The following ARAP2 variants were observed in gnomAD, a reference collection of about 807,000 sequenced individuals.
The protein encoded by ARAP2 is arf-GAP with Rho-GAP domain, ANK repeat and PH domain-containing protein 2.
A neutral mutation model predicts 194.5 loss-of-function variants in ARAP2; 148 were observed. The observed-to-expected ratio is 0.76, with a 90% confidence interval of 0.67 to 0.87. The LOEUF (loss-of-function observed/expected upper bound fraction) is 0.87. ARAP2 is among the 40% of genes least tolerant of loss of function. ARAP2 has a pLI of 0.00. For missense variants in ARAP2, 2,128 were observed against 1,989.7 expected (o/e 1.07, Z -1.32); for synonymous variants, 695 against 683.5 (o/e 1.02, Z -0.26).
At chr4:36,077,724 A>C (rs1043409294) in intron 31 of ARAP2, among the ~76,000 whole-genome samples, 16 of 152,150 alleles carry the variant, frequency 1.1e-4, no homozygotes, top group Admixed American at 3.9e-4. Flanking sequence ...ATTTTTTTCA[A>C]TTAAAATTAG....
intron 19 of ARAP2, among the ~76,000 whole-genome samples, chr4:36,137,175 A>G (rs1727050938): frequency 6.6e-6 from 1 of 151,874 alleles, no homozygotes; most frequent in African/African-American, 2.4e-5. Flanking sequence ...CTCTTTCATA[A>G]GTACATGATT....
At chr4:36,152,042 G>A in intron 15 of ARAP2, among the ~76,000 whole-genome samples, 1 of 152,020 alleles carries the variant, frequency 6.6e-6, no homozygotes, top group African/African-American at 2.4e-5. Context: ...GTGGGTGTGG[G>A]GGTGACATGA....
intron 3 of ARAP2, among the ~76,000 whole-genome samples, chr4:36,051,814 T>C (rs1380963111): frequency 1.3e-5 from 2 of 152,224 alleles, no homozygotes; most frequent in Non-Finnish European, 1.5e-5. Flanking sequence ...CTATTAACTC[T>C]TCCACATTGT....
rs528789950 is a variant in ARAP2 at position 36,112,190 on chromosome 4, G to A, written c.4156+1980C>T. Among the ~76,000 whole-genome samples, 5 of 152,002 alleles carry A rather than the reference G, an allele frequency of 3.3e-5. No homozygotes were observed. In the South Asian group the frequency reaches 1.0e-3, roughly 31 times the overall value. On this transcript the variant is annotated intron_variant, in intron 26 of 32. Coordinates refer to ENST00000303965, the MANE Select transcript of ARAP2 (RefSeq NM_015230.4). ...CTTCAGTTGAAAAGGCTTTTGTGGAGTTTGATCCACATCAACTGCACTATG... is the reference window on the plus strand; with the variant it reads ...CTTCAGTTGAAAAGGCTTTTGTGGAATTTGATCCACATCAACTGCACTATG...
At chr4:36,238,539 C>T (rs1752868147) in intron 1 of ARAP2, among the ~76,000 whole-genome samples, 1 of 152,166 alleles carries the variant, frequency 6.6e-6, no homozygotes, top group Non-Finnish European at 1.5e-5. Flanking sequence ...GTCTCCCTCT[C>T]CTTTGTCTAG....
intron 28 of ARAP2, among the ~76,000 whole-genome samples, chr4:36,090,068 G>A (rs1470206091): frequency 6.6e-6 from 1 of 151,886 alleles, no homozygotes; most frequent in South Asian, 2.1e-4. Context: ...GAAACAATAA[G>A]GGGGATATTA....
intron 26 of ARAP2, among the ~76,000 whole-genome samples, chr4:36,110,538 G>T (rs1359318394): frequency 6.6e-6 from 1 of 151,870 alleles, no homozygotes; most frequent in Non-Finnish European, 1.5e-5. Context: ...ATTGGCAGAG[G>T]ATGGGTTCGG....
At chr4:36,126,919 C>A (rs1378774661) in intron 21 of ARAP2, among the ~76,000 whole-genome samples, 2 of 152,056 alleles carry the variant, frequency 1.3e-5, no homozygotes, top group African/African-American at 4.8e-5. Context: ...CTCACTGAAG[C>A]TTGGAATTCC....
Position 36,160,497 on chromosome 4 carries a change from T to G in ARAP2, c.2404A>C (p.Thr802Pro). The G allele has an allele frequency of 1.3e-6, 2 of 1,569,140 alleles. No homozygotes were observed. The highest frequency in any genetic ancestry group is 1.7e-6 in the Non-Finnish European group (2 of 1,163,460). Residue 802 changes from threonine to proline, a missense_variant, in exon 13 of 33, where the codon ACT (threonine) becomes CCT (proline). By Grantham distance (38) the Thr-to-Pro change is conservative. Coordinates refer to ENST00000303965, the MANE Select transcript of ARAP2 (RefSeq NM_015230.4). The part of the protein sequence containing the change: ...QKYKEGKFRK[T>P]LLASLTKEEL... ...TCTTTGGTGAGAGATGCCAAAAGAG[T>G]TTTTCTGAATTTTCCTTCTTTATAT... is the stretch of plus-strand genomic sequence containing the variant.
At chr4:36,184,319 T>C (rs571481759) in intron 8 of ARAP2, among the ~76,000 whole-genome samples, 3 of 151,996 alleles carry the variant, frequency 2.0e-5, no homozygotes, top group African/African-American at 7.2e-5. Context: ...CTACACCCAC[T>C]TATCTTTAAA....
At chr4:36,226,986 T>C (rs1034597683) in intron 2 of ARAP2, among the ~76,000 whole-genome samples, 10 of 152,178 alleles carry the variant, frequency 6.6e-5, no homozygotes, top group Non-Finnish European at 7.4e-5. Context: ...TATTCAAAAT[T>C]AGCAAAATAT....
chr4:36,158,238 C>T (rs1733046336), intron 15 of ARAP2, among the ~76,000 whole-genome samples: 1 of 151,950 alleles, frequency 6.6e-6, no homozygotes, highest in African/African-American at 2.4e-5. Context: ...ATCAGATTCC[C>T]ATCATTTTTT....
At chr4:36,055,277 T>A (rs1723300584) in intron 2 of ARAP2, among the ~76,000 whole-genome samples, 1 of 152,198 alleles carries the variant, frequency 6.6e-6, no homozygotes, top group Non-Finnish European at 1.5e-5. Context: ...TTGGATAAGA[T>A]CTGCTTTATT....
At chr4:36,011,885 G>T (rs951226489) in intron 9 of ARAP2, among the ~76,000 whole-genome samples, 4 of 152,072 alleles carry the variant, frequency 2.6e-5, no homozygotes, top group Non-Finnish European at 5.9e-5. Context: ...CTTTAGAATA[G>T]TTCCTTATCA....
intron 9 of ARAP2, among the ~76,000 whole-genome samples, chr4:36,168,046 A>T (rs1473275672): frequency 6.6e-6 from 1 of 152,176 alleles, no homozygotes; most frequent in African/African-American, 2.4e-5. Flanking sequence ...ATTTTCAGTA[A>T]GGACACTTGT....
At chr4:36,151,462 T>C (rs1051966349) in intron 15 of ARAP2, among the ~76,000 whole-genome samples, 6 of 152,204 alleles carry the variant, frequency 3.9e-5, no homozygotes, top group African/African-American at 1.2e-4. Flanking sequence ...TTAATGCTTG[T>C]TCAGAAGATT....
chr4:36,067,618 AACAG>A lies in ARAP2; in HGVS notation c.*285_*288del. The A allele has an allele frequency of 4.0e-6, 1 of 252,888 alleles. No homozygotes were observed. The highest frequency in any genetic ancestry group is 9.6e-5 in the South Asian group (1 of 10,470). 15.7% of individuals were successfully genotyped at this position (252,888 alleles called of 1,614,324 possible). A position where few individuals can be genotyped will look rare whatever the true frequency, so the allele number is the denominator to read the frequency against. On this transcript the variant is annotated 3_prime_UTR_variant, in exon 33 of 33. Transcript: ENST00000303965. Reference sequence around the variant, plus strand: ...TTTCTGCTCATAAATTATACCACTTAACAGACAACTACTTTAAAAGGACTGACCA... The same window carrying A: ...TTTCTGCTCATAAATTATACCACTTAACAACTACTTTAAAAGGACTGACCA...
intron 22 of ARAP2, among the ~76,000 whole-genome samples, chr4:36,122,374 C>G (rs1332868983): frequency 6.6e-6 from 1 of 151,660 alleles, no homozygotes; most frequent in Non-Finnish European, 1.5e-5. Context: ...AACCTAAATG[C>G]CCATCAATGA....
At chr4:36,219,766 T>C (rs1450142124) in intron 2 of ARAP2, among the ~76,000 whole-genome samples, 3 of 152,032 alleles carry the variant, frequency 2.0e-5, no homozygotes, top group Non-Finnish European at 4.4e-5. Context: ...ATATGAAATA[T>C]CTAACAAAAT....
Sources: allele counts gnomAD v4.1 joint callset (sites outside exome capture counted in the v4.1 genomes callset), GRCh38; gene constraint gnomAD v4.1.1; transcripts MANE v1.5; gene names NCBI Gene and HGNC (gene_info 2026-07-23, HGNC 2026-07-21).